The following STS variants were observed in gnomAD, a reference collection of about 807,000 sequenced individuals.
STS encodes the protein steroid sulfatase.
In STS, 7 loss-of-function variants were observed where a neutral mutation model predicts 26.8. The observed-to-expected ratio is 0.26, with a 90% CI of 0.15 to 0.49. The LOEUF (loss-of-function observed/expected upper bound fraction) is 0.49, where lower values mean the gene tolerates loss of function less well. STS is among the 20% of genes least tolerant of loss of function. The pLI is 0.98. For synonymous variants in STS, 199 were observed against 189.4 expected (o/e 1.05, Z -0.42); for missense variants, 434 against 465.6 (o/e 0.93, Z 0.63).
At chrX:7,251,611 T>C (rs1355300417) in intron 2 of STS, among the ~76,000 whole-genome samples, 1 of 111,410 alleles carries the variant, frequency 9.0e-6, no homozygotes. Flanking sequence ...ACTCCACCAC[T>C]ACACATGCAC....
intron 1 of STS, among the ~76,000 whole-genome samples, chrX:7,169,126 C>T (rs764320718): frequency 6.3e-5 from 7 of 111,079 alleles, no homozygotes; most frequent in African/African-American, 1.3e-4. Context: ...CCTTTAACAG[C>T]GATTCCACAT....
intron 9 of STS, among the ~76,000 whole-genome samples, chrX:7,326,327 C>T (rs1263296386): frequency 9.0e-6 from 1 of 111,691 alleles, no homozygotes; most frequent in Non-Finnish European, 1.9e-5. Flanking sequence ...TTTTTAGTGA[C>T]CAGGAATGTG....
Position 7,260,568 on chromosome X carries a change from G to A in STS, c.806+796G>A, listed in dbSNP as rs1360437912. On this transcript the variant is annotated intron_variant, in intron 6 of 10. Coordinates refer to ENST00000674429, the MANE Select transcript of STS (RefSeq NM_001320752.2). ...TTACAGGTGCCTGCCACCATGCCTG[G>A]CTAATTTTTTTTCTATTTTTAGTAG... Among the ~76,000 whole-genome samples the A allele has an allele frequency of 2.7e-5, 3 of 111,085 alleles. No homozygotes were observed. The South Asian group carries it at 1.2e-3, about 43-fold the overall frequency.
intron 7 of STS, among the ~76,000 whole-genome samples, chrX:7,282,130 C>G (rs1475029980): frequency 8.9e-6 from 1 of 112,606 alleles, no homozygotes; most frequent in African/African-American, 3.2e-5. Flanking sequence ...ATTGAGGTTA[C>G]AGAAAGAATG....
chrX:7,273,114 C>T (rs756197121), intron 6 of STS, among the ~76,000 whole-genome samples: 1 of 111,691 alleles, frequency 9.0e-6, no homozygotes, highest in Admixed American at 9.5e-5. Flanking sequence ...CATGCCACTG[C>T]ACTCTAGCTT....
At chrX:7,215,050 TACGTATATATGTATATATAC>T (rs1385433112) in intron 2 of STS, among the ~76,000 whole-genome samples, 13 of 89,986 alleles carry the variant, frequency 1.4e-4, no homozygotes, top group African/African-American at 4.5e-4. Flanking sequence ...TACATATATA[TACGTATATATGTATATATAC>T]ACGTATATAT....
intron 1 of STS, among the ~76,000 whole-genome samples, chrX:7,162,425 TTC>T: frequency 9.0e-6 from 1 of 111,532 alleles, no homozygotes; most frequent in Non-Finnish European, 1.9e-5. Flanking sequence ...GAGAAGCACC[TTC>T]AACTGTGAGG....
At chrX:7,196,989 GCCTCCTA>G (rs768045484) in intron 2 of STS, among the ~76,000 whole-genome samples, 1 of 110,915 alleles carries the variant, frequency 9.0e-6, no homozygotes, top group Non-Finnish European at 1.9e-5. Flanking sequence ...TCCATTGTCT[GCCTCCTA>G]CCTTTCTTCC....
At chrX:7,253,474 A>C (rs1265742265) in intron 3 of STS, 138 bp downstream of exon 3, 3 of 840,306 alleles carry the variant, frequency 3.6e-6, no homozygotes, top group Non-Finnish European at 5.2e-6. Flanking sequence ...CTTCATGTAG[A>C]TACACTGAGA....
chrX:7,174,844 CCT>C lies in STS; in HGVS notation c.-133-16035_-133-16034del, dbSNP rs769933113. ...ACTTGTACTCAGTCCTTAGATGGGC[CCT>C]GATTGTAAGCTGCTGTGATGATTCC... On this transcript the variant is annotated intron_variant, in intron 1 of 10. Transcript: ENST00000674429. Among the ~76,000 whole-genome samples the C allele has an allele frequency of 5.5e-3, 609 of 110,987 alleles. 1 individual carries two copies. Among genetic ancestry groups the C allele is most frequent in the Non-Finnish European group, 9.8e-3 (519 of 52,990 alleles).
At chrX:7,320,809 A>G (rs1314421704) in intron 8 of STS, among the ~76,000 whole-genome samples, 1 of 111,976 alleles carries the variant, frequency 8.9e-6, no homozygotes, top group African/African-American at 3.2e-5. Flanking sequence ...TGTTGAAAGG[A>G]TAAAATAAGG....
At chrX:7,303,406 A>G (rs1926067259) in intron 7 of STS, among the ~76,000 whole-genome samples, 1 of 111,293 alleles carries the variant, frequency 9.0e-6, no homozygotes, top group Non-Finnish European at 1.9e-5. Flanking sequence ...CTCGGAAAAG[A>G]AACGGATTCT....
intron 7 of STS, among the ~76,000 whole-genome samples, chrX:7,282,659 C>G (rs1471650071): frequency 1.8e-5 from 2 of 112,498 alleles, no homozygotes; most frequent in Non-Finnish European, 3.7e-5. Flanking sequence ...AGAGCCATCT[C>G]GCATATATGA....
chrX:7,198,509 T>C (rs1383952510), intron 2 of STS, among the ~76,000 whole-genome samples: 1 of 111,789 alleles, frequency 8.9e-6, no homozygotes, highest in African/African-American at 3.3e-5. Flanking sequence ...AGCCATACTT[T>C]CTAAACTTGT....
chrX:7,164,282 A>G (rs148413009), intron 1 of STS, among the ~76,000 whole-genome samples: 1 of 112,050 alleles, frequency 8.9e-6, no homozygotes, highest in East Asian at 2.8e-4. Context: ...TCTCAAGACT[A>G]TGGGCCTGAG....
chrX:7,308,703 G>C (rs746843351), intron 8 of STS, among the ~76,000 whole-genome samples: 1 of 111,869 alleles, frequency 8.9e-6, no homozygotes, highest in Non-Finnish European at 1.9e-5. Flanking sequence ...TAATGTCTCA[G>C]CCACCGCTCT....
chrX:7,258,787 A>G (rs1601692779), intron 5 of STS, among the ~76,000 whole-genome samples: 1 of 111,219 alleles, frequency 9.0e-6, no homozygotes, highest in East Asian at 2.8e-4. Flanking sequence ...CTCATGCCTC[A>G]GGGGTAGGTT....
At chrX:7,214,343 A>G (rs1921150978) in intron 2 of STS, among the ~76,000 whole-genome samples, 2 of 111,419 alleles carry the variant, frequency 1.8e-5, no homozygotes, top group African/African-American at 3.3e-5. Context: ...ATTCCTCCAA[A>G]GCCTTCACAT....
chrX:7,218,321 C>G (rs934509466), intron 2 of STS, among the ~76,000 whole-genome samples: 7 of 112,321 alleles, frequency 6.2e-5, no homozygotes, highest in African/African-American at 1.9e-4. Flanking sequence ...TGAGAGAAGC[C>G]AATACTTTTC....
Sources: gnomAD v4.1 joint callset for allele counts (sites outside exome capture counted in the v4.1 genomes callset) on GRCh38, gnomAD v4.1.1 for gene constraint, MANE v1.5 for transcripts, NCBI Gene and HGNC (gene_info 2026-07-23, HGNC 2026-07-21) for gene names.